Variants in TBC1D20 observed in about 807,000 individuals in gnomAD.
The protein encoded by TBC1D20 is TBC1 domain family member 20.
In TBC1D20, 12 loss-of-function variants were observed where a neutral mutation model predicts 41.6. The ratio of observed to expected loss-of-function variants is 0.29; its 90% CI spans 0.18 to 0.47. TBC1D20 has a LOEUF of 0.47. TBC1D20 is among the 20% of genes least tolerant of loss of function. The probability of loss-of-function intolerance (pLI) is 1.00; values close to 1 mark genes in which losing one functional copy is unlikely to be tolerated. For missense variants in TBC1D20, 421 were observed against 517.4 expected (o/e 0.81, Z 1.81); for synonymous variants, 205 against 204.8 (o/e 1.00, Z -0.01).
chr20:441,945 A>G lies in TBC1D20; in HGVS notation c.436T>C (p.Tyr146His). ...RNPQLHYYQG[Y>H]HDIVVTFLLV... ...AGAAATGTGACCACAATGTCATGGT[A>G]GCCCTGGTAGTAGTGCAGCTGAGGG... Residue 146 changes from tyrosine to histidine, a missense_variant, in exon 4 of 8, where the codon TAC becomes CAC. Tyr to His is a moderately conservative substitution (Grantham distance 83). Around this residue, in one of 3 missense-constraint regions of TBC1D20, gnomAD observed 110 missense variants for 183.5 expected, o/e 0.60. Transcript: ENST00000354200. 2.5e-6 allele frequency: 4 copies of G among 1,614,128 alleles called. No individual in the cohort carries two copies. Among genetic ancestry groups the G allele is most frequent in the Non-Finnish European group, 3.4e-6 (4 of 1,180,012 alleles).
At position 438,436 on chromosome 20, in the gene TBC1D20, T is replaced by C. The variant is rs1318698803; in HGVS notation, c.*150A>G. On this transcript the variant is annotated 3_prime_UTR_variant, in exon 8 of 8. Coordinates refer to ENST00000354200, the MANE Select transcript of TBC1D20 (RefSeq NM_144628.4). ...TAGGCTCTGCTACTGGCCTCTGAAG[T>C]AAAGGCAAACACAAACGGGCAGGGC... 1.1e-6 allele frequency: 1 copy of C among 924,860 alleles called. No homozygotes were observed. The highest frequency in any genetic ancestry group is 1.7e-5 in the African/African-American group (1 of 60,394). The allele number at this position is 924,860 out of a possible 1,614,324, so 57.3% of individuals were successfully genotyped here.
intron 3 of TBC1D20, 108 bp downstream of exon 3, chr20:444,942 A>G: frequency 2.2e-6 from 2 of 899,842 alleles, no homozygotes; most frequent in Non-Finnish European, 3.4e-6. Context: ...GCAAAAGGAG[A>G]GCTCTGAAGG....
In TBC1D20 at chr20:439,210, T is replaced by C. The variant is rs2017178744; in HGVS notation, c.854A>G (p.Asp285Gly). Residue 285 changes from aspartate to glycine, a missense_variant, in exon 7 of 8, where the codon GAC becomes GGC. Physicochemically the swap from Asp to Gly is moderately conservative, Grantham distance 94 (BLOSUM62 -1). Coordinates refer to ENST00000354200, the MANE Select transcript of TBC1D20 (RefSeq NM_144628.4). This position sits in a 1 kb window ranked among gnomAD's most constrained non-coding sequence, Gnocchi z 4.6. ...VHHLLSQIPQ[D>G]LPYETLISRA... ...GCTGATCAGTGTCTCATAGGGCAAG[T>C]CCTGAGGGATCTGGGACAACAGGTG... 6.2e-6 allele frequency: 10 copies of C among 1,614,180 alleles called. No individual in the cohort carries two copies. Among genetic ancestry groups the C allele is most frequent in the Non-Finnish European group, 8.5e-6 (10 of 1,180,024 alleles).
chr20:442,925 C>A (rs567328399), intron 3 of TBC1D20, among the ~76,000 whole-genome samples: 1 of 152,060 alleles, frequency 6.6e-6, no homozygotes, highest in Admixed American at 6.6e-5. Context: ...GTGAAAAACC[C>A]CGTCTCTAAT....
At position 435,789 on chromosome 20, in the gene TBC1D20, C is replaced by A; in HGVS notation, c.*2797G>T. 1 of 153,300 alleles carries A rather than the reference C, an allele frequency of 6.5e-6. No individual in the cohort carries two copies. The highest frequency in any genetic ancestry group is 1.5e-5 in the Non-Finnish European group (1 of 68,452). 9.5% of individuals were successfully genotyped at this position (153,300 alleles called of 1,614,324 possible). A position where few individuals can be genotyped will look rare whatever the true frequency, so the allele number is the denominator to read the frequency against. ...GGACAAAAAGCATAAGGTCTAAACCCAGCAAGGCCTGTCTGTCCAGATGCT... is the reference window on the plus strand; with the variant it reads ...GGACAAAAAGCATAAGGTCTAAACCAAGCAAGGCCTGTCTGTCCAGATGCT... On this transcript the variant is annotated 3_prime_UTR_variant, in exon 8 of 8. Transcript: ENST00000354200.
At chr20:446,018 C>A (rs999186792) in intron 2 of TBC1D20, among the ~76,000 whole-genome samples, 1 of 152,264 alleles carries the variant, frequency 6.6e-6, no homozygotes, top group African/African-American at 2.4e-5. Context: ...TGGGTGACAT[C>A]ATGACGCTGT....
intron 6 of TBC1D20, 31 bp downstream of exon 6, chr20:440,217 A>G (rs1600328770): frequency 6.2e-7 from 1 of 1,607,192 alleles, no homozygotes; most frequent in Non-Finnish European, 8.5e-7. Flanking sequence ...GTGATGGTGA[A>G]CCCAGCTGCT....
Position 441,930 on chromosome 20 carries a change from C to A in TBC1D20, c.451G>T (p.Val151Phe). ...TCGCCTACCACCAGCAGAAATGTGACCACAATGTCATGGTAGCCCTGGTAG... is the reference window on the plus strand; with the variant it reads ...TCGCCTACCACCAGCAGAAATGTGAACACAATGTCATGGTAGCCCTGGTAG... Reference protein sequence around the residue: ...HYYQGYHDIVVTFLLVVGERL... With the variant: ...HYYQGYHDIVFTFLLVVGERL... The change falls in exon 4 of 8, where the codon GTC (valine) becomes TTC (phenylalanine). Residue 151 changes from valine to phenylalanine, a missense_variant. This residue lies in a region of TBC1D20 where 110 missense variants were observed against 183.5 expected (regional missense o/e 0.60). Transcript: ENST00000354200. 1.2e-6 allele frequency: 2 copies of A among 1,614,066 alleles called. No homozygotes were observed. Among genetic ancestry groups the A allele is most frequent in the Non-Finnish European group, 1.7e-6 (2 of 1,180,002 alleles).
At chr20:445,315 C>T (rs1362172974) in intron 2 of TBC1D20, among the ~76,000 whole-genome samples, 185 bp from the exon 3 acceptor site, 1 of 152,116 alleles carries the variant, frequency 6.6e-6, no homozygotes, top group Non-Finnish European at 1.5e-5. Flanking sequence ...ATGTTTCCTG[C>T]AAGTCACAAT....
At chr20:461,655 C>T (rs1424783359) in intron 1 of TBC1D20, among the ~76,000 whole-genome samples, 2 of 152,238 alleles carry the variant, frequency 1.3e-5, no homozygotes, top group Non-Finnish European at 2.9e-5. Flanking sequence ...AGCCATGGTG[C>T]CCGGCCGCTT....
At chr20:457,428 C>T (rs2017561676) in intron 1 of TBC1D20, among the ~76,000 whole-genome samples, 1 of 151,886 alleles carries the variant, frequency 6.6e-6, no homozygotes, top group South Asian at 2.1e-4. Flanking sequence ...CATTATGTTG[C>T]CCAGACTGAT....
intron 6 of TBC1D20, 60 bp downstream of exon 6, chr20:440,188 A>G: frequency 6.3e-7 from 1 of 1,578,522 alleles, no homozygotes; most frequent in South Asian, 1.2e-5. Flanking sequence ...CTTCAGGGAA[A>G]ATGACCACAG....
At chr20:448,725 G>A (rs2017385695) in intron 1 of TBC1D20, among the ~76,000 whole-genome samples, 1 of 150,066 alleles carries the variant, frequency 6.7e-6, no homozygotes, top group Non-Finnish European at 1.5e-5. Flanking sequence ...GTCTCTCTAA[G>A]TTGCCCAGGC....
At position 441,701 on chromosome 20, in the gene TBC1D20, C is replaced by T. The variant is rs1452996085; in HGVS notation, c.525-12G>A. 1 of 1,612,716 alleles carries T rather than the reference C, an allele frequency of 6.2e-7. No individual in the cohort carries two copies. The highest frequency in any genetic ancestry group is 1.3e-5 in the African/African-American group (1 of 74,854). On this transcript the variant is annotated splice_polypyrimidine_tract_variant and intron_variant, in intron 4 of 7. Transcript: ENST00000354200. ...GATCCATAAAATCCCTGGAGGGAGACAATTCAATAAGCCTGGTTACCAAAC... is the reference window on the plus strand; with the variant it reads ...GATCCATAAAATCCCTGGAGGGAGATAATTCAATAAGCCTGGTTACCAAAC...
rs1271404529 is a variant in TBC1D20, at chr20:436,821, G to A, written c.*1765C>T. On this transcript the variant is annotated 3_prime_UTR_variant, in exon 8 of 8. Coordinates refer to ENST00000354200, the MANE Select transcript of TBC1D20 (RefSeq NM_144628.4). ...TTTGAGCTTTTTTTGGTTTTAAAGT[G>A]CGTAGTGGTGGCTGGGCGTGGTGGC... 2 of 153,702 alleles carry A rather than the reference G, an allele frequency of 1.3e-5. No homozygotes were observed. Among genetic ancestry groups the A allele is most frequent in the African/African-American group, 4.8e-5 (2 of 41,434 alleles). The allele number at this position is 153,702 out of a possible 1,614,324, so 9.5% of individuals were successfully genotyped here.
At chr20:445,640 A>T (rs896864556) in intron 2 of TBC1D20, among the ~76,000 whole-genome samples, 3 of 152,238 alleles carry the variant, frequency 2.0e-5, no homozygotes, top group Non-Finnish European at 4.4e-5. Context: ...GCAATTCTAA[A>T]ACTAAAGAGC....
At chr20:459,492 T>C (rs913313062) in intron 1 of TBC1D20, among the ~76,000 whole-genome samples, 7 of 152,184 alleles carry the variant, frequency 4.6e-5, no homozygotes, top group Admixed American at 3.9e-4. Flanking sequence ...GTCTTGGCTA[T>C]CATAACCATG....
At position 444,199 on chromosome 20, in the gene TBC1D20, G is replaced by C. The variant is rs529821349; in HGVS notation, c.337+851C>G. 3.3e-5 allele frequency among the ~76,000 whole-genome samples: 5 copies of C among 152,032 alleles called. No individual in the cohort carries two copies. The East Asian group carries it at 9.7e-4, about 29-fold the overall frequency. On this transcript the variant is annotated intron_variant, in intron 3 of 7. Transcript: ENST00000354200. ...TCCAAACCAGCAGGCTAGGAAAAGG[G>C]AATGGACCGTGGGCATGTGCTTTTA...
At chr20:448,833 TACA>T (rs1374827252) in intron 1 of TBC1D20, among the ~76,000 whole-genome samples, 3 of 149,586 alleles carry the variant, frequency 2.0e-5, no homozygotes, top group Non-Finnish European at 4.4e-5. Flanking sequence ...CAGAAATAAT[TACA>T]CGTACTTTTT....
Sources: allele counts gnomAD v4.1 joint callset (sites outside exome capture counted in the v4.1 genomes callset), GRCh38; gene constraint gnomAD v4.1.1; regional missense constraint gnomAD v4.1.1; non-coding constraint Gnocchi (gnomAD v3.1); transcripts MANE v1.5; gene names NCBI Gene and HGNC (gene_info 2026-07-23, HGNC 2026-07-21).